GPHN: variants seen among roughly 807,000 people sequenced by gnomAD.
GPHN encodes the protein gephyrin.
A neutral mutation model predicts 95.5 loss-of-function variants in GPHN; 17 were observed. That is an observed-to-expected ratio of 0.18 (90% CI 0.12 to 0.27). GPHN has a LOEUF of 0.27. GPHN is among the 10% of genes least tolerant of loss of function. The pLI, the probability that GPHN is intolerant of heterozygous loss-of-function variation, is 1.00. For missense variants in GPHN, 660 were observed against 978.1 expected (o/e 0.67, Z 4.34); for synonymous variants, 320 against 322.5 (o/e 0.99, Z 0.08).
intron 6 of GPHN, among the ~76,000 whole-genome samples, chr14:66,922,011 T>G (rs527341816): frequency 1.3e-5 from 2 of 152,116 alleles, no homozygotes; most frequent in Non-Finnish European, 2.9e-5. Flanking sequence ...TAGCCCTATG[T>G]AGGAGAATGA....
chr14:67,067,803 G>A (rs964874238), intron 11 of GPHN, among the ~76,000 whole-genome samples: 10 of 152,234 alleles, frequency 6.6e-5, no homozygotes, highest in African/African-American at 2.4e-4. Flanking sequence ...TGCTAAGACT[G>A]TGGGAAAAGC....
chr14:67,308,903 T>C, the GPHN span, among the ~76,000 whole-genome samples: 15 of 152,092 alleles, frequency 9.9e-5, no homozygotes, highest in African/African-American at 3.4e-4. Context: ...TTTTGGAACA[T>C]TGGATCCCTA....
intron 1 of GPHN, among the ~76,000 whole-genome samples, chr14:66,657,132 A>G (rs2065351159): frequency 6.6e-6 from 1 of 152,234 alleles, no homozygotes; most frequent in African/African-American, 2.4e-5. Context: ...TTAATTGCTA[A>G]TAAAGAGATA....
chr14:66,788,645 T>G (rs1311785013), intron 3 of GPHN, among the ~76,000 whole-genome samples: 1 of 152,144 alleles, frequency 6.6e-6, no homozygotes, highest in Admixed American at 6.5e-5. Flanking sequence ...CTCCTTTTGT[T>G]TGTTTGTTTG....
intron 4 of GPHN, among the ~76,000 whole-genome samples, chr14:66,873,421 C>T (rs1422845804): frequency 6.6e-6 from 1 of 152,156 alleles, no homozygotes; most frequent in African/African-American, 2.4e-5. Flanking sequence ...AAACTGTTAA[C>T]TCCCCTGGAA....
At chr14:67,639,137 G>A in the GPHN span, among the ~76,000 whole-genome samples, 5 of 152,196 alleles carry the variant, frequency 3.3e-5, no homozygotes, top group Admixed American at 2.0e-4. Flanking sequence ...TCCTGGGAAC[G>A]TTACTGTAAG....
intron 1 of GPHN, among the ~76,000 whole-genome samples, chr14:66,521,683 C>G (rs925119351): frequency 1.3e-5 from 2 of 152,024 alleles, no homozygotes; most frequent in Non-Finnish European, 1.5e-5. Flanking sequence ...TATGAGGGCA[C>G]TAATCCCATT....
At chr14:66,665,950 A>T (rs757457071) in intron 1 of GPHN, among the ~76,000 whole-genome samples, 3 of 152,190 alleles carry the variant, frequency 2.0e-5, no homozygotes, top group Non-Finnish European at 4.4e-5. Context: ...CGTCCTTTGT[A>T]GGGGCATGGA....
At chr14:67,119,599 G>C (rs1215417460) in intron 16 of GPHN, among the ~76,000 whole-genome samples, 1 of 152,090 alleles carries the variant, frequency 6.6e-6, no homozygotes, top group Non-Finnish European at 1.5e-5. Flanking sequence ...AGACCAGCCT[G>C]ACCAACAGTA....
the GPHN span, among the ~76,000 whole-genome samples, chr14:67,393,810 C>A: frequency 6.6e-6 from 1 of 152,128 alleles, no homozygotes; most frequent in African/African-American, 2.4e-5. Flanking sequence ...CGGCTCACCC[C>A]TCATAAAGAT....
the GPHN span, among the ~76,000 whole-genome samples, chr14:67,519,676 T>C: frequency 6.6e-6 from 1 of 151,292 alleles, no homozygotes. Flanking sequence ...GCAAGCAGCA[T>C]AGGGAATTTG....
intron 1 of GPHN, among the ~76,000 whole-genome samples, chr14:66,672,159 A>C (rs2153385060): frequency 1.3e-5 from 2 of 152,252 alleles, no homozygotes; most frequent in East Asian, 3.9e-4. Flanking sequence ...TATTTAAATA[A>C]AAATATTTCT....
the GPHN span, among the ~76,000 whole-genome samples, chr14:67,597,631 G>A: frequency 2.0e-5 from 3 of 152,054 alleles, no homozygotes; most frequent in African/African-American, 7.2e-5. Flanking sequence ...CATTGAATAA[G>A]CATTAAGAAG....
At chr14:67,731,145 C>T in the GPHN span, among the ~76,000 whole-genome samples, 2 of 150,200 alleles carry the variant, frequency 1.3e-5, no homozygotes, top group African/African-American at 4.9e-5. Flanking sequence ...AATGTAGCTG[C>T]TAGAAAATTC....
At chr14:66,851,713 T>G (rs1174813091) in intron 4 of GPHN, among the ~76,000 whole-genome samples, 1 of 152,070 alleles carries the variant, frequency 6.6e-6, no homozygotes, top group Non-Finnish European at 1.5e-5. Flanking sequence ...TTTGTCATAT[T>G]AAAGGCATTT....
At chr14:66,977,531 A>T (rs1011097481) in intron 9 of GPHN, among the ~76,000 whole-genome samples, 2 of 152,218 alleles carry the variant, frequency 1.3e-5, no homozygotes, top group African/African-American at 4.8e-5. Context: ...AGGAATTTTT[A>T]TCACAGCATT....
intron 4 of GPHN, chr14:66,842,601 G>A: frequency 1.0e-6 from 1 of 1,001,172 alleles, no homozygotes; most frequent in South Asian, 1.4e-5. Context: ...GAACCAGTTT[G>A]TACAGCCCTA....
intron 10 of GPHN, among the ~76,000 whole-genome samples, chr14:67,024,278 G>A (rs2073815155): frequency 6.6e-6 from 1 of 152,066 alleles, no homozygotes; most frequent in African/African-American, 2.4e-5. Context: ...TTCCTTATCT[G>A]TACCTTTGAA....
At chr14:67,721,744 T>TATATATATATATATGTATAACGG in the GPHN span, among the ~76,000 whole-genome samples, 1 of 812 alleles carries the variant, frequency 1.2e-3, no homozygotes, top group Admixed American at 0.02. Flanking sequence ...TGGGGATATA[T>TATATATATATATATGTATAACGG]ATATATATAT....
Sources: allele counts gnomAD v4.1 joint callset (sites outside exome capture counted in the v4.1 genomes callset), GRCh38; gene constraint gnomAD v4.1.1; transcripts MANE v1.5; gene names NCBI Gene and HGNC (gene_info 2026-07-23, HGNC 2026-07-21).